ZNF487: variants seen among roughly 807,000 people sequenced by gnomAD.
The protein encoded by ZNF487 is KRAB domain only 1.
Under a neutral mutation model 3.0 loss-of-function variants are expected in ZNF487, and 4 were observed. That is an observed-to-expected ratio of 1.35 (90% CI 0.66 to 3.08). ZNF487 has a LOEUF of 3.08. ZNF487 is among the 30% of genes most tolerant of loss of function. The pLI is 0.01. For synonymous variants in ZNF487, 55 were observed against 34.6 expected (o/e 1.59, Z -2.06); for missense variants, 146 against 98.7 (o/e 1.48, Z -2.03).
At chr10:43,491,906 A>G in the ZNF487 span, among the ~76,000 whole-genome samples, 1 of 151,778 alleles carries the variant, frequency 6.6e-6, no homozygotes, top group Admixed American at 6.6e-5. Context: ...AAATTTACAC[A>G]ATTTTTGTTT....
At chr10:43,469,256 G>C (rs1417122050) in intron 1 of ZNF487, among the ~76,000 whole-genome samples, 1 of 151,944 alleles carries the variant, frequency 6.6e-6, no homozygotes, top group Admixed American at 6.6e-5. Context: ...GAGTGCAGTG[G>C]TGCGACCTTG....
chr10:43,479,089 A>G (rs1322272249), intron 3 of ZNF487, among the ~76,000 whole-genome samples: 1 of 129,712 alleles, frequency 7.7e-6, no homozygotes, highest in Non-Finnish European at 1.6e-5. Context: ...ATGTGTGTAT[A>G]TATATATACA....
At chr10:43,464,203 A>T (rs1234428069) in intron 1 of ZNF487, among the ~76,000 whole-genome samples, 41 of 142,060 alleles carry the variant, frequency 2.9e-4, no homozygotes, top group African/African-American at 9.7e-4. Context: ...TTTTGTTTTG[A>T]GACAACGTCT....
chr10:43,478,357 C>T (rs1039572810), intron 3 of ZNF487, among the ~76,000 whole-genome samples: 2 of 152,052 alleles, frequency 1.3e-5, no homozygotes, highest in Non-Finnish European at 2.9e-5. Context: ...GAGTTCGAGA[C>T]CAGCCTGACC....
intron 1 of ZNF487, among the ~76,000 whole-genome samples, chr10:43,450,711 T>C (rs1255158334): frequency 6.6e-6 from 1 of 152,144 alleles, no homozygotes; most frequent in Non-Finnish European, 1.5e-5. Context: ...CCATAGTAAA[T>C]TTAATAAAAT....
intron 1 of ZNF487, among the ~76,000 whole-genome samples, chr10:43,474,965 C>G (rs1841039718): frequency 6.6e-6 from 1 of 152,012 alleles, no homozygotes; most frequent in Admixed American, 6.6e-5. Context: ...ACCAGGCCAC[C>G]ACACAGTATC....
At chr10:43,452,740 T>C (rs1281600747) in intron 1 of ZNF487, 3 of 152,086 alleles carry the variant, frequency 2.0e-5, no homozygotes, top group Non-Finnish European at 4.4e-5. Flanking sequence ...CCTTTACATA[T>C]TCTCTCTGTG....
chr10:43,489,933 A>G, the ZNF487 span, among the ~76,000 whole-genome samples: 19 of 152,242 alleles, frequency 1.2e-4, no homozygotes, highest in African/African-American at 4.6e-4. Flanking sequence ...TTCACGTTAC[A>G]TACAAATGCC....
chr10:43,454,176 C>G (rs984580310), intron 1 of ZNF487: 1 of 152,234 alleles, frequency 6.6e-6, no homozygotes, highest in South Asian at 2.1e-4. Flanking sequence ...CCTCAGCCTC[C>G]GGAGTAGCTG....
the ZNF487 span, among the ~76,000 whole-genome samples, chr10:43,494,101 G>A: frequency 6.6e-6 from 1 of 151,668 alleles, no homozygotes; most frequent in African/African-American, 2.4e-5. Flanking sequence ...GAAATGCAGC[G>A]AAGTTATAAC....
At chr10:43,450,703 A>G (rs548481548) in intron 1 of ZNF487, among the ~76,000 whole-genome samples, 3 of 152,148 alleles carry the variant, frequency 2.0e-5, no homozygotes, top group African/African-American at 7.2e-5. Flanking sequence ...CTTTTTATCC[A>G]TAGTAAATTT....
chr10:43,476,050 A>G (rs1841088840), intron 2 of ZNF487, 57 bp from the exon 3 acceptor site: 1 of 708,642 alleles, frequency 1.4e-6, no homozygotes, highest in African/African-American at 1.8e-5. Context: ...TTGTGCAGGC[A>G]CACCTTTGTC....
the ZNF487 span, among the ~76,000 whole-genome samples, chr10:43,501,672 G>A: frequency 2.0e-5 from 3 of 152,034 alleles, no homozygotes; most frequent in Non-Finnish European, 4.4e-5. Flanking sequence ...CCCAGGAGGT[G>A]GAGAGGTTGC....
the ZNF487 span, among the ~76,000 whole-genome samples, chr10:43,499,990 T>C: frequency 2.0e-5 from 3 of 152,132 alleles, no homozygotes; most frequent in Non-Finnish European, 2.9e-5. Flanking sequence ...TTCAAGTGAT[T>C]CTCCTGCCTC....
At chr10:43,455,218 A>C (rs1419383611) in intron 1 of ZNF487, among the ~76,000 whole-genome samples, 1 of 151,882 alleles carries the variant, frequency 6.6e-6, no homozygotes, top group African/African-American at 2.4e-5. Flanking sequence ...TCACCGTGTT[A>C]GCCAGGATGG....
intron 3 of ZNF487, among the ~76,000 whole-genome samples, chr10:43,477,022 A>G (rs1212215237): frequency 1.3e-5 from 2 of 152,198 alleles, no homozygotes; most frequent in Non-Finnish European, 1.5e-5. Context: ...TTGGGAAGAA[A>G]TAAGAGATAG....
chr10:43,478,974 CTT>C (rs1468538710), intron 3 of ZNF487, among the ~76,000 whole-genome samples: 1 of 147,110 alleles, frequency 6.8e-6, no homozygotes, highest in Admixed American at 6.8e-5. Context: ...TAGCCGATCT[CTT>C]TTGATCCTAT....
At chr10:43,479,447 C>G (rs975178126) in intron 3 of ZNF487, among the ~76,000 whole-genome samples, 1 of 152,000 alleles carries the variant, frequency 6.6e-6, no homozygotes, top group Non-Finnish European at 1.5e-5. Context: ...TTATGTCCAA[C>G]TGTGGTAAAA....
chr10:43,495,741 G>A, the ZNF487 span, among the ~76,000 whole-genome samples: 1 of 152,146 alleles, frequency 6.6e-6, no homozygotes, highest in African/African-American at 2.4e-5. Flanking sequence ...GTGTTTTAAA[G>A]TATTAATTTT....
Sources: allele counts gnomAD v4.1 joint callset (sites outside exome capture counted in the v4.1 genomes callset), GRCh38; gene constraint gnomAD v4.1.1; transcripts MANE v1.5; gene names NCBI Gene and HGNC (gene_info 2026-07-23, HGNC 2026-07-21).